Variants in UGT2B17 observed in about 807,000 individuals in gnomAD.
The protein encoded by UGT2B17 is UDP glucuronosyltransferase family 2 member B17.
In UGT2B17, 21 loss-of-function variants were observed where a neutral mutation model predicts 48.2. That is an observed-to-expected ratio of 0.44 (90% CI 0.31 to 0.63). The LOEUF (loss-of-function observed/expected upper bound fraction) is 0.63. Ranked by LOEUF, UGT2B17 falls within the 20% of genes least tolerant of loss-of-function variation. The pLI is 0.08. For missense variants in UGT2B17, 402 were observed against 696.1 expected (o/e 0.58, Z 4.75); for synonymous variants, 146 against 238.4 (o/e 0.61, Z 3.57).
In UGT2B17 at chr4:68,571,805, T is replaced by G. The variant is rs1364076056; in HGVS notation, c.-64-3257A>C. Among the ~76,000 whole-genome samples, 13 of 126,208 alleles carry G rather than the reference T, an allele frequency of 1.0e-4. 3 individuals carry two copies. Among genetic ancestry groups the G allele is most frequent in the Admixed American group, 2.4e-4 (3 of 12,340 alleles). The allele number at this position is 126,208 out of a possible 152,430, so 82.8% of individuals were successfully genotyped here. ...TTAGGCTAATTGCAAAAAGAAATTTTTAGTTTTTCCTGGAATCTCAGGTAC... is the reference window on the plus strand; with the variant it reads ...TTAGGCTAATTGCAAAAAGAAATTTGTAGTTTTTCCTGGAATCTCAGGTAC... On this transcript the variant is annotated intron_variant, in intron 1 of 6. Transcript: ENST00000317746.
intron 6 of UGT2B17, among the ~76,000 whole-genome samples, chr4:68,549,346 T>TA (rs397766650): frequency 0.52 from 51,374 of 99,704 alleles, 19,155 homozygotes; most frequent in Middle Eastern, 0.79. Flanking sequence ...CTCCAAAAAG[T>TA]AAAAAAAAAA....
chr4:68,546,005 G>A lies in UGT2B17; in HGVS notation c.1313+4672C>T, dbSNP rs377544569. On this transcript the variant is annotated intron_variant, in intron 6 of 6. Coordinates refer to ENST00000317746, the MANE Select transcript of UGT2B17 (RefSeq NM_001077.4). The stretch of plus-strand genomic sequence containing the variant: ...AATTCTACCAGAGGTACAAGGAGGA[G>A]CTGGTACCCTTCCTTCTGAAACTAT... Among the ~76,000 whole-genome samples, 2 of 125,970 alleles carry A rather than the reference G, an allele frequency of 1.6e-5. 1 individual carries two copies. Among genetic ancestry groups the A allele is most frequent in the Non-Finnish European group, 3.4e-5 (2 of 59,460 alleles). The allele number at this position is 125,970 out of a possible 152,430, so 82.6% of individuals were successfully genotyped here. A position where few individuals can be genotyped will look rare whatever the true frequency, so the allele number is the denominator to read the frequency against.
At position 68,556,471 on chromosome 4, in the gene UGT2B17, A is replaced by C. The variant is rs1731002950; in HGVS notation, c.1005+4066T>G. Among the ~76,000 whole-genome samples, 4 of 125,152 alleles carry C rather than the reference A, an allele frequency of 3.2e-5. 2 individuals carry two copies. The South Asian group carries it at 1.5e-3, about 47-fold the overall frequency. 82.1% of individuals were successfully genotyped at this position (125,152 alleles called of 152,430 possible). ...TTCAACTCCTCAAGGTCCAGGGACT[A>C]TCACAGAAGAGGTGGGTGTGTGAGA... On this transcript the variant is annotated intron_variant, in intron 4 of 6. Transcript: ENST00000317746.
At chr4:68,569,363 G>A (rs1467836874) in intron 1 of UGT2B17, among the ~76,000 whole-genome samples, 1 of 125,254 alleles carries the variant, frequency 8.0e-6, no homozygotes, top group Non-Finnish European at 1.7e-5. Context: ...CTGAAGTTCT[G>A]TTTGCAGGAG....
chr4:68,539,941 A>G (rs1180696133), intron 6 of UGT2B17, among the ~76,000 whole-genome samples: 1 of 120,082 alleles, frequency 8.3e-6, no homozygotes, highest in African/African-American at 2.9e-5. Context: ...CTCATCCCCC[A>G]CATCTGGCTA....
rs1353071755 is a variant in UGT2B17 at position 68,545,529 on chromosome 4, G to A, written c.1313+5148C>T. Among the ~76,000 whole-genome samples, 3 of 125,248 alleles carry A rather than the reference G, an allele frequency of 2.4e-5. 1 individual carries two copies. The highest frequency in any genetic ancestry group is 5.0e-5 in the Non-Finnish European group (3 of 59,430). 82.2% of individuals were successfully genotyped at this position (125,248 alleles called of 152,430 possible). A position where few individuals can be genotyped will look rare whatever the true frequency, so the allele number is the denominator to read the frequency against. Reference sequence around the variant, plus strand: ...AATTAAAAGAACTAGAGAAGCAAGAGCAAACACATTCAAAAGCTAGCAGAA... The same window carrying A: ...AATTAAAAGAACTAGAGAAGCAAGAACAAACACATTCAAAAGCTAGCAGAA... On this transcript the variant is annotated intron_variant, in intron 6 of 6. Coordinates refer to ENST00000317746, the MANE Select transcript of UGT2B17 (RefSeq NM_001077.4).
rs10049812 is a variant in UGT2B17 at position 68,576,083 on chromosome 4, G to A, written c.-197C>T. Among the ~76,000 whole-genome samples, 70,299 of 123,310 alleles carry A rather than the reference G, an allele frequency of 0.57. 27,163 individuals are homozygous for A. The highest frequency in any genetic ancestry group is 0.98 in the East Asian group (1,207 of 1,232). 80.9% of individuals were successfully genotyped at this position (123,310 alleles called of 152,430 possible). Reference sequence around the variant, plus strand: ...CTGGGGCAATTTCCTACCCAGGAGCGCTCTTTGGATCTCATCACTCAGGCT... The same window carrying A: ...CTGGGGCAATTTCCTACCCAGGAGCACTCTTTGGATCTCATCACTCAGGCT... On this transcript the variant is annotated 5_prime_UTR_variant, in exon 1 of 7. Transcript: ENST00000317746.
rs1433529597 is a variant in UGT2B17, at chr4:68,539,211, A to G, written c.1314-1307T>C. Among the ~76,000 whole-genome samples the G allele has an allele frequency of 1.6e-5, 2 of 126,326 alleles. 1 individual carries two copies. The highest frequency in any genetic ancestry group is 3.4e-5 in the Non-Finnish European group (2 of 59,666). The allele number at this position is 126,326 out of a possible 152,430, so 82.9% of individuals were successfully genotyped here. On this transcript the variant is annotated intron_variant, in intron 6 of 6. Transcript: ENST00000317746. ...AAAACACCAATTTATCACAAACTGC[A>G]TAGAAGAACTCTTTCCTCCTGGGCC...
At chr4:68,542,775 C>G (rs1335709745) in intron 6 of UGT2B17, among the ~76,000 whole-genome samples, 1 of 127,098 alleles carries the variant, frequency 7.9e-6, no homozygotes, top group Non-Finnish European at 1.7e-5. Context: ...TTTTAGCAAA[C>G]GGCACACCAG....
chr4:68,557,282 G>T lies in UGT2B17; in HGVS notation c.1005+3255C>A, dbSNP rs1217202108. On this transcript the variant is annotated intron_variant, in intron 4 of 6. Coordinates refer to ENST00000317746, the MANE Select transcript of UGT2B17 (RefSeq NM_001077.4). ...CACAGACAATTGTTGTCTGACTTTG[G>T]TCCTCTTTAGAAGGCGATTTTATAC... Among the ~76,000 whole-genome samples, 2 of 124,362 alleles carry T rather than the reference G, an allele frequency of 1.6e-5. 1 individual carries two copies. Among genetic ancestry groups the T allele is most frequent in the African/African-American group, 5.5e-5 (2 of 36,514 alleles). 81.6% of individuals were successfully genotyped at this position (124,362 alleles called of 152,430 possible).
chr4:68,545,879 A>T lies in UGT2B17; in HGVS notation c.1313+4798T>A, dbSNP rs1730793110. 1.6e-5 allele frequency among the ~76,000 whole-genome samples: 2 copies of T among 126,232 alleles called. 1 individual carries two copies. The highest frequency in any genetic ancestry group is 5.4e-5 in the African/African-American group (2 of 36,976). 82.8% of individuals were successfully genotyped at this position (126,232 alleles called of 152,430 possible). A position where few individuals can be genotyped will look rare whatever the true frequency, so the allele number is the denominator to read the frequency against. On this transcript the variant is annotated intron_variant, in intron 6 of 6. Transcript: ENST00000317746. The stretch of plus-strand genomic sequence containing the variant: ...CCCTCCCAAGACTAAACCAGGAAGA[A>T]GTTGAATCTCTGAATAGACTAATAA...
rs1730617917 is a variant in UGT2B17, at chr4:68,539,651, G to A, written c.1314-1747C>T. Among the ~76,000 whole-genome samples the A allele has an allele frequency of 1.6e-5, 2 of 123,034 alleles. 1 individual carries two copies. Among genetic ancestry groups the A allele is most frequent in the African/African-American group, 5.5e-5 (2 of 36,136 alleles). The allele number at this position is 123,034 out of a possible 152,430, so 80.7% of individuals were successfully genotyped here. A position where few individuals can be genotyped will look rare whatever the true frequency, so the allele number is the denominator to read the frequency against. Reference sequence around the variant, plus strand: ...GATTGTTTTTAGTTATCATTTTCTGGATGATTTATAATTTGATTCTAGTAT... The same window carrying A: ...GATTGTTTTTAGTTATCATTTTCTGAATGATTTATAATTTGATTCTAGTAT... On this transcript the variant is annotated intron_variant, in intron 6 of 6. Transcript: ENST00000317746.
At position 68,542,011 on chromosome 4, in the gene UGT2B17, T is replaced by C. The variant is rs113835539; in HGVS notation, c.1314-4107A>G. Among the ~76,000 whole-genome samples, 12 of 125,814 alleles carry C rather than the reference T, an allele frequency of 9.5e-5. 2 individuals are homozygous for C. Among genetic ancestry groups the C allele is most frequent in the African/African-American group, 3.3e-4 (12 of 36,696 alleles). 82.5% of individuals were successfully genotyped at this position (125,814 alleles called of 152,430 possible). On this transcript the variant is annotated intron_variant, in intron 6 of 6. Transcript: ENST00000317746. ...CTGTTCCATTGGTCTATATGTCTGC[T>C]TTTGTTCCAGTACTATGCTGGTTTG...
intron 4 of UGT2B17, among the ~76,000 whole-genome samples, chr4:68,559,707 G>T (rs985278748): frequency 7.9e-6 from 1 of 125,876 alleles, no homozygotes; most frequent in African/African-American, 2.7e-5. Flanking sequence ...ATATTCTATA[G>T]ATTAGAAAAT....
rs991945495 is a variant in UGT2B17, at chr4:68,545,646, T to C, written c.1313+5031A>G. Among the ~76,000 whole-genome samples, 9 of 125,574 alleles carry C rather than the reference T, an allele frequency of 7.2e-5. 1 individual carries two copies. Among genetic ancestry groups the C allele is most frequent in the African/African-American group, 2.5e-4 (9 of 36,672 alleles). The allele number at this position is 125,574 out of a possible 152,430, so 82.4% of individuals were successfully genotyped here. A position where few individuals can be genotyped will look rare whatever the true frequency, so the allele number is the denominator to read the frequency against. Reference sequence around the variant, plus strand: ...TCAATGAATCCAAGAGCTGGTTTTTTGAAAAGGCCAACAAAATTGATAGAC... The same window carrying C: ...TCAATGAATCCAAGAGCTGGTTTTTCGAAAAGGCCAACAAAATTGATAGAC... On this transcript the variant is annotated intron_variant, in intron 6 of 6. Coordinates refer to ENST00000317746, the MANE Select transcript of UGT2B17 (RefSeq NM_001077.4).
Position 68,537,388 on chromosome 4 carries a change from A to G in UGT2B17, c.*237T>C, listed in dbSNP as rs548076487. The G allele has an allele frequency of 1.4e-5, 4 of 290,644 alleles. 1 individual carries two copies. The highest frequency in any genetic ancestry group is 6.9e-5 in the African/African-American group (3 of 43,610). 18.0% of individuals were successfully genotyped at this position (290,644 alleles called of 1,614,324 possible). A position where few individuals can be genotyped will look rare whatever the true frequency, so the allele number is the denominator to read the frequency against. On this transcript the variant is annotated 3_prime_UTR_variant, in exon 7 of 7. Coordinates refer to ENST00000317746, the MANE Select transcript of UGT2B17 (RefSeq NM_001077.4). ...TTTTGGATTAGAATAATAAATTTCA[A>G]TATAAGCCCATAAGGTTTTATATTA...
In UGT2B17 at chr4:68,569,254, G is replaced by T. The variant is rs1415877687; in HGVS notation, c.-64-706C>A. Among the ~76,000 whole-genome samples, 2 of 128,898 alleles carry T rather than the reference G, an allele frequency of 1.6e-5. 1 individual carries two copies. Among genetic ancestry groups the T allele is most frequent in the Non-Finnish European group, 3.3e-5 (2 of 60,246 alleles). The allele number at this position is 128,898 out of a possible 152,430, so 84.6% of individuals were successfully genotyped here. ...CCTCTGCAGGAAGCGTACTGCTCCT[G>T]CAGGACCTGGGAGACATCCCAAACA... On this transcript the variant is annotated intron_variant, in intron 1 of 6. Coordinates refer to ENST00000317746, the MANE Select transcript of UGT2B17 (RefSeq NM_001077.4).
At position 68,561,786 on chromosome 4, in the gene UGT2B17, CAAAAAA is replaced by C. The variant is rs55755057; in HGVS notation, c.874-1124_874-1119del. On this transcript the variant is annotated intron_variant, in intron 3 of 6. Transcript: ENST00000317746. ...CACATCAGTCAATGTATTCTCACAC[CAAAAAA>C]AAAAAAAAAGAAAAAGAAAGAGAGA... is the stretch of plus-strand genomic sequence containing the variant. Among the ~76,000 whole-genome samples, 5 of 81,284 alleles carry C rather than the reference CAAAAAA, an allele frequency of 6.2e-5. 1 individual carries two copies. The highest frequency in any genetic ancestry group is 2.0e-4 in the African/African-American group (5 of 24,438). 53.3% of individuals were successfully genotyped at this position (81,284 alleles called of 152,430 possible).
Position 68,550,558 on chromosome 4 carries a change from A to G in UGT2B17, c.1313+119T>C. The G allele has an allele frequency of 9.1e-6, 7 of 766,700 alleles. 3 individuals are homozygous for G. Among genetic ancestry groups the G allele is most frequent in the Non-Finnish European group, 1.2e-5 (7 of 565,540 alleles). The allele number at this position is 766,700 out of a possible 1,614,324, so 47.5% of individuals were successfully genotyped here. On this transcript the variant is annotated intron_variant, in intron 6 of 6. Transcript: ENST00000317746. ...GGTGGAAAATAAGAGCAGATTTTAC[A>G]TTGGTTAAATCACTTCAATCCCTTC... is the stretch of plus-strand genomic sequence containing the variant.
Sources: gnomAD v4.1 joint callset for allele counts (sites outside exome capture counted in the v4.1 genomes callset) on GRCh38, gnomAD v4.1.1 for gene constraint, MANE v1.5 for transcripts, NCBI Gene and HGNC (gene_info 2026-07-23, HGNC 2026-07-21) for gene names.